RSU1: variants seen among roughly 807,000 people sequenced by gnomAD.
RSU1 encodes rsu-1.
RSU1 carries 26 observed loss-of-function variants against 31.1 expected under a neutral mutation model. That is an observed-to-expected ratio of 0.84 (90% CI 0.61 to 1.16). The LOEUF is 1.16. Ranked by LOEUF, RSU1 falls within the 50% of genes most tolerant of loss-of-function variation. The pLI is 0.00. For missense variants in RSU1, 320 were observed against 339.1 expected (o/e 0.94, Z 0.44); for synonymous variants, 164 against 136.3 (o/e 1.20, Z -1.41).
chr10:16,654,301 G>A (rs1385385142), intron 8 of RSU1, among the ~76,000 whole-genome samples: 1 of 148,016 alleles, frequency 6.8e-6, no homozygotes, highest in Admixed American at 6.8e-5. Context: ...CCGCTCATAT[G>A]GTGTGACCCT....
intron 7 of RSU1, among the ~76,000 whole-genome samples, chr10:16,718,315 A>G (rs1836185001): frequency 6.6e-6 from 1 of 152,224 alleles, no homozygotes; most frequent in Non-Finnish European, 1.5e-5. Flanking sequence ...AAAAAAGGGT[A>G]CACAGAATTT....
At chr10:16,811,406 C>G (rs1446877825) in intron 2 of RSU1, among the ~76,000 whole-genome samples, 5 of 152,122 alleles carry the variant, frequency 3.3e-5, no homozygotes, top group African/African-American at 1.2e-4. Context: ...ACACTAGGCC[C>G]TTATAGATAT....
intron 7 of RSU1, among the ~76,000 whole-genome samples, chr10:16,724,069 T>G (rs949409382): frequency 7.2e-5 from 11 of 152,150 alleles, no homozygotes; most frequent in Admixed American, 7.2e-4. Flanking sequence ...GCCTCCCCAA[T>G]AGCTGGGATT....
intron 5 of RSU1, 123 bp from the exon 6 acceptor site, chr10:16,753,123 C>G: frequency 1.5e-6 from 1 of 651,852 alleles, no homozygotes; most frequent in Admixed American, 2.9e-5. Flanking sequence ...TTTGACATAC[C>G]TAGGGCTCCC....
chr10:16,671,561 A>C (rs910552710), intron 8 of RSU1, among the ~76,000 whole-genome samples: 1 of 151,868 alleles, frequency 6.6e-6, no homozygotes, highest in African/African-American at 2.4e-5. Flanking sequence ...CGATCCTCCC[A>C]CCTCAGCTTC....
At chr10:16,677,889 T>C (rs1204618953) in intron 8 of RSU1, among the ~76,000 whole-genome samples, 2 of 152,150 alleles carry the variant, frequency 1.3e-5, no homozygotes, top group Admixed American at 6.5e-5. Context: ...CAGTTTCTAT[T>C]GGGAATGCAC....
rs1390772078 is a variant in RSU1, at chr10:16,596,669, G to A, written c.732-3173C>T. On this transcript the variant is annotated intron_variant, in intron 8 of 8. Coordinates refer to ENST00000345264, the MANE Select transcript of RSU1 (RefSeq NM_012425.4). ...TTCCCAAACCCCTTATCCGCACAGA[G>A]CAAAAAAATACGTATGTACATTTTT... Among the ~76,000 whole-genome samples, 2 of 151,952 alleles carry A rather than the reference G, an allele frequency of 1.3e-5. 1 individual carries two copies. Among genetic ancestry groups the A allele is most frequent in the Middle Eastern group, 6.8e-3 (2 of 294 alleles).
intron 2 of RSU1, among the ~76,000 whole-genome samples, chr10:16,815,470 G>A (rs1247596779): frequency 6.6e-6 from 1 of 152,120 alleles, no homozygotes; most frequent in Non-Finnish European, 1.5e-5. Context: ...AGGGTCTCCT[G>A]AACATCTCCC....
chr10:16,774,011 A>G (rs1837477202), intron 3 of RSU1, among the ~76,000 whole-genome samples: 1 of 152,144 alleles, frequency 6.6e-6, no homozygotes, highest in Admixed American at 6.5e-5. Flanking sequence ...TGAGTTTGTT[A>G]CTGGTTATCA....
intron 8 of RSU1, among the ~76,000 whole-genome samples, chr10:16,600,771 A>C (rs949279006): frequency 6.6e-6 from 1 of 152,104 alleles, no homozygotes; most frequent in Non-Finnish European, 1.5e-5. Flanking sequence ...CTATGTTGCT[A>C]GGCTGGTTTC....
At chr10:16,757,013 GGTGT>G (rs772606553) in intron 4 of RSU1, among the ~76,000 whole-genome samples, 1 of 149,528 alleles carries the variant, frequency 6.7e-6, no homozygotes, top group African/African-American at 2.5e-5. Flanking sequence ...GGGGTGTGGT[GGTGT>G]GTGTGTACGC....
intron 8 of RSU1, among the ~76,000 whole-genome samples, chr10:16,613,960 C>G (rs1833934932): frequency 6.6e-6 from 1 of 152,038 alleles, no homozygotes; most frequent in Admixed American, 6.6e-5. Context: ...TTGGAGGTTA[C>G]AAGGCAAAAC....
intron 7 of RSU1, among the ~76,000 whole-genome samples, chr10:16,699,008 T>C (rs1410382470): frequency 6.6e-6 from 1 of 152,148 alleles, no homozygotes; most frequent in Non-Finnish European, 1.5e-5. Flanking sequence ...AAAGAATGAT[T>C]AGGGTTCCCT....
intron 7 of RSU1, among the ~76,000 whole-genome samples, chr10:16,707,968 G>T (rs894928608): frequency 1.3e-5 from 2 of 152,128 alleles, no homozygotes; most frequent in African/African-American, 4.8e-5. Context: ...TTACTAAAGA[G>T]ATTTGTCTTT....
At chr10:16,686,797 C>G (rs6602147) in intron 8 of RSU1, among the ~76,000 whole-genome samples, 73,782 of 151,938 alleles carry the variant, frequency 0.49, 18,159 homozygotes, top group East Asian at 0.66. Context: ...TACGGAAAAG[C>G]CTTTTGTAGT....
chr10:16,652,290 A>G (rs1435597588), intron 8 of RSU1, among the ~76,000 whole-genome samples: 8 of 151,780 alleles, frequency 5.3e-5, no homozygotes, highest in African/African-American at 1.9e-4. Flanking sequence ...TTTCCTCTTC[A>G]AGAAGCATGT....
intron 7 of RSU1, among the ~76,000 whole-genome samples, chr10:16,722,469 G>A (rs1360410425): frequency 1.3e-5 from 2 of 152,102 alleles, no homozygotes; most frequent in African/African-American, 4.8e-5. Flanking sequence ...AGGAGTGGAG[G>A]AGCCCAACCT....
intron 2 of RSU1, among the ~76,000 whole-genome samples, chr10:16,807,160 C>T (rs147359850): frequency 2.0e-4 from 31 of 152,344 alleles, no homozygotes; most frequent in African/African-American, 7.2e-4. Context: ...ACCACATTAC[C>T]GTTCTCCGGT....
intron 8 of RSU1, among the ~76,000 whole-genome samples, chr10:16,619,646 T>C (rs1350830341): frequency 6.6e-6 from 1 of 152,194 alleles, no homozygotes; most frequent in Non-Finnish European, 1.5e-5. Context: ...AAATAAACTC[T>C]GAAAGACTCC....
Sources: gnomAD v4.1 joint callset for allele counts (sites outside exome capture counted in the v4.1 genomes callset) on GRCh38, gnomAD v4.1.1 for gene constraint, MANE v1.5 for transcripts, NCBI Gene and HGNC (gene_info 2026-07-23, HGNC 2026-07-21) for gene names.